The following SCML2 variants were observed in gnomAD, a reference collection of about 807,000 sequenced individuals.
The protein encoded by SCML2 is sex comb on midleg-like protein 2.
A neutral mutation model predicts 48.4 loss-of-function variants in SCML2; 6 were observed. The observed-to-expected ratio is 0.12, with a 90% CI of 0.07 to 0.24. SCML2 has a LOEUF of 0.24. SCML2 is among the 10% of genes least tolerant of loss of function. The probability of loss-of-function intolerance (pLI) is 1.00; values close to 1 mark genes in which losing one functional copy is unlikely to be tolerated. For synonymous variants in SCML2, 181 were observed against 189.5 expected, an observed-to-expected ratio of 0.95 and a Z score of 0.37; for missense variants, 377 against 528.2, an observed-to-expected ratio of 0.71 and a Z score of 2.81.
chrX:18,246,599 G>A lies in SCML2; in HGVS notation c.1800C>T (p.Phe600=). Residue 600 remains phenylalanine, a synonymous_variant, in exon 13 of 15, where the codon TTC becomes TTT. Coordinates refer to ENST00000251900, the MANE Select transcript of SCML2 (RefSeq NM_006089.3). ...TACCTTCACTTTTCCTCTGCATTTG[G>A]AATTTAACTTCATGGGGACTGCTCT... ...SPKSSPHEVK[F]QMQRKSEAPS... 1 of 1,200,603 alleles carries A rather than the reference G, an allele frequency of 8.3e-7. No individual in the cohort carries two copies.
chrX:18,334,938 G>A (rs760264472), intron 1 of SCML2, among the ~76,000 whole-genome samples: 217 of 111,736 alleles, frequency 1.9e-3, no homozygotes, highest in Non-Finnish European at 3.6e-3. Flanking sequence ...TAGGCTGGGT[G>A]CAGTGGCTCA....
At chrX:18,282,365 C>T (rs1014931344) in intron 7 of SCML2, among the ~76,000 whole-genome samples, 5 of 110,437 alleles carry the variant, frequency 4.5e-5, no homozygotes, top group Admixed American at 2.9e-4. Flanking sequence ...AGGCCGGGCG[C>T]GGTGGCTCAC....
At chrX:18,259,101 T>C (rs1349693119) in intron 9 of SCML2, among the ~76,000 whole-genome samples, 1 of 110,643 alleles carries the variant, frequency 9.0e-6, no homozygotes, top group Non-Finnish European at 1.9e-5. Flanking sequence ...CCATCTCTAC[T>C]AAAAATACAA....
chrX:18,263,101 C>A (rs1402676674), intron 8 of SCML2, among the ~76,000 whole-genome samples: 1 of 110,013 alleles, frequency 9.1e-6, no homozygotes, highest in African/African-American at 3.3e-5. Context: ...CTTAGAATTA[C>A]ATTTTAATTT....
intron 3 of SCML2, among the ~76,000 whole-genome samples, chrX:18,329,423 A>T (rs765839631): frequency 1.8e-5 from 2 of 112,050 alleles, no homozygotes; most frequent in Non-Finnish European, 3.8e-5. Context: ...CATAGGGTGA[A>T]CTGCTCTGCA....
At chrX:18,267,569 C>T (rs1927296162) in intron 7 of SCML2, among the ~76,000 whole-genome samples, 1 of 106,443 alleles carries the variant, frequency 9.4e-6, no homozygotes, top group Non-Finnish European at 1.9e-5. Flanking sequence ...AGGTCTCTGT[C>T]GTACATTCTT....
intron 7 of SCML2, among the ~76,000 whole-genome samples, chrX:18,277,121 A>G (rs1927672864): frequency 9.0e-6 from 1 of 111,628 alleles, no homozygotes; most frequent in Non-Finnish European, 1.9e-5. Flanking sequence ...CCCAGGCTGG[A>G]GTGCAGTGGT....
intron 13 of SCML2, among the ~76,000 whole-genome samples, chrX:18,245,484 C>A (rs983899844): frequency 8.9e-6 from 1 of 112,318 alleles, no homozygotes; most frequent in Non-Finnish European, 1.9e-5. Flanking sequence ...AAGGCAGAGA[C>A]AATCTCCAGA....
chrX:18,350,000 C>T (rs1300054713), intron 1 of SCML2, among the ~76,000 whole-genome samples: 4 of 112,430 alleles, frequency 3.6e-5, no homozygotes, highest in South Asian at 3.6e-4. Flanking sequence ...AGGTGGCTCA[C>T]GCCTGTAATC....
At position 18,298,928 on chromosome X, in the gene SCML2, T is replaced by A. The variant is rs191332704; in HGVS notation, c.730+6044A>T. Among the ~76,000 whole-genome samples, 4 of 109,964 alleles carry A rather than the reference T, an allele frequency of 3.6e-5. No individual in the cohort carries two copies. In the East Asian group the frequency reaches 1.1e-3, roughly 31 times the overall value. On this transcript the variant is annotated intron_variant, in intron 7 of 14. Coordinates refer to ENST00000251900, the MANE Select transcript of SCML2 (RefSeq NM_006089.3). ...GACTTAAACATAAGGCCCGAAACTA[T>A]AAAACTATGAAACTACTAGAAGGAA...
At chrX:18,275,155 C>T (rs955540149) in intron 7 of SCML2, among the ~76,000 whole-genome samples, 4 of 112,498 alleles carry the variant, frequency 3.6e-5, no homozygotes, top group South Asian at 3.7e-4. Flanking sequence ...CCAAGCTGCA[C>T]CCTGACCACC....
intron 7 of SCML2, among the ~76,000 whole-genome samples, chrX:18,268,118 G>C (rs1927319493): frequency 8.9e-6 from 1 of 112,300 alleles, no homozygotes; most frequent in Admixed American, 9.4e-5. Context: ...TTCCATGGTA[G>C]AAGGCTTTTC....
chrX:18,239,649 C>T lies in SCML2; in HGVS notation c.*1602G>A, dbSNP rs748024365. 2.7e-5 allele frequency: 3 copies of T among 112,796 alleles called. 1 individual carries two copies. The highest frequency in any genetic ancestry group is 7.4e-4 in the South Asian group (2 of 2,717). The allele number at this position is 112,796 out of a possible 1,213,427, so 9.3% of individuals were successfully genotyped here. A position where few individuals can be genotyped will look rare whatever the true frequency, so the allele number is the denominator to read the frequency against. The stretch of plus-strand genomic sequence containing the variant: ...GCTTATAAACATTACATCAAAGTTA[C>T]ACAAAGTAATAACAATAAACATATA... On this transcript the variant is annotated 3_prime_UTR_variant, in exon 15 of 15. Transcript: ENST00000251900.
intron 11 of SCML2, among the ~76,000 whole-genome samples, chrX:18,254,661 G>A (rs1426746714): frequency 9.0e-6 from 1 of 111,573 alleles, no homozygotes; most frequent in Non-Finnish European, 1.9e-5. Context: ...TGGTGGCTCA[G>A]GCCTGTAATC....
At chrX:18,299,318 A>C (rs1289388543) in intron 7 of SCML2, among the ~76,000 whole-genome samples, 3 of 110,486 alleles carry the variant, frequency 2.7e-5, no homozygotes, top group Non-Finnish European at 3.8e-5. Context: ...TCGAGACCAT[A>C]CTGGCTAATA....
chrX:18,326,835 T>C (rs1929497015), intron 3 of SCML2, among the ~76,000 whole-genome samples: 1 of 111,436 alleles, frequency 9.0e-6, no homozygotes. Flanking sequence ...ATGTACATGG[T>C]ACTAGATATG....
At chrX:18,279,852 G>A (rs1453753966) in intron 7 of SCML2, among the ~76,000 whole-genome samples, 1 of 112,170 alleles carries the variant, frequency 8.9e-6, no homozygotes, top group Non-Finnish European at 1.9e-5. Flanking sequence ...CAAAATCTCT[G>A]AGAAATATGG....
chrX:18,290,053 C>G (rs1050701060), intron 7 of SCML2, among the ~76,000 whole-genome samples: 3 of 111,561 alleles, frequency 2.7e-5, no homozygotes, highest in African/African-American at 9.8e-5. Flanking sequence ...TTAAAACCCA[C>G]TCCCTTAAAG....
At chrX:18,253,198 C>T (rs1471677921) in intron 11 of SCML2, among the ~76,000 whole-genome samples, 2 of 111,541 alleles carry the variant, frequency 1.8e-5, no homozygotes, top group East Asian at 2.8e-4. Flanking sequence ...TGAAGAATAG[C>T]GAGGAATCAG....
Sources: allele counts gnomAD v4.1 joint callset (sites outside exome capture counted in the v4.1 genomes callset), GRCh38; gene constraint gnomAD v4.1.1; transcripts MANE v1.5; gene names NCBI Gene and HGNC (gene_info 2026-07-23, HGNC 2026-07-21).